CYTH2: variants seen among roughly 807,000 people sequenced by gnomAD.
CYTH2 encodes the protein cytohesin-2.
In CYTH2, 24 loss-of-function variants were observed where a neutral mutation model predicts 55.4. That is an observed-to-expected ratio of 0.43 (90% CI 0.31 to 0.61). The LOEUF (loss-of-function observed/expected upper bound fraction) is 0.61. CYTH2 is among the 20% of genes least tolerant of loss of function. The pLI is 0.08. For missense variants in CYTH2, 378 were observed against 533.5 expected, an observed-to-expected ratio of 0.71 and a Z score of 2.87; for synonymous variants, 221 against 209.6, an observed-to-expected ratio of 1.05 and a Z score of -0.47.
intron 8 of CYTH2, chr19:48,475,527 T>C (rs1289954849): frequency 6.4e-6 from 1 of 156,328 alleles, no homozygotes; most frequent in African/African-American, 2.4e-5. Context: ...CTGGTGCAGA[T>C]GAGTCGGGAA....
chr19:48,472,903 C>T (rs760814538), intron 4 of CYTH2: 10 of 303,524 alleles, frequency 3.3e-5, no homozygotes, highest in East Asian at 8.4e-5. Context: ...CATCTGTGGA[C>T]GTCTGGGAAT....
At position 48,481,072 on chromosome 19, in the gene CYTH2, T is replaced by G. The variant is rs1972037208; in HGVS notation, c.*1862T>G. 6.5e-6 allele frequency: 1 copy of G among 152,758 alleles called. No homozygotes were observed. The highest frequency in any genetic ancestry group is 6.5e-5 in the Admixed American group (1 of 15,278). The allele number at this position is 152,758 out of a possible 1,614,324, so 9.5% of individuals were successfully genotyped here. ...AGGCAGGGGCCTGACGTGTTTGGAT[T>G]GAGGTTGCAGGAGGGGCCCCTGGCT... On this transcript the variant is annotated 3_prime_UTR_variant, in exon 12 of 12. Transcript: ENST00000452733.
At chr19:48,478,748 C>T (rs1407087286) in intron 11 of CYTH2, among the ~76,000 whole-genome samples, 156 bp downstream of exon 11, 2 of 135,748 alleles carry the variant, frequency 1.5e-5, no homozygotes, top group Admixed American at 1.4e-4. Context: ...GGGGCCTGGA[C>T]TCCTGGGTCT....
intron 8 of CYTH2, 129 bp downstream of exon 8, chr19:48,475,078 T>G (rs1294260582): frequency 3.8e-6 from 3 of 781,904 alleles, no homozygotes; most frequent in Non-Finnish European, 4.1e-6. Context: ...TGAACCTCAG[T>G]TTTCCACACC....
In CYTH2 at chr19:48,470,196, C is replaced by T. The variant is rs112325690; in HGVS notation, c.20-157C>T. Among the ~76,000 whole-genome samples, 49 of 152,122 alleles carry T rather than the reference C, an allele frequency of 3.2e-4. 3 individuals carry two copies. The highest frequency in any genetic ancestry group is 7.7e-4 in the African/African-American group (32 of 41,486). On this transcript the variant is annotated intron_variant, in intron 1 of 11. Transcript: ENST00000452733. ...AGAGTTTAGAGCCCCAGCTCTTTCT[C>T]CTCTGCAGGGAGGAATCCAGGCCCC...
rs201069694 is a variant in CYTH2 at position 48,473,278 on chromosome 19, T to G, written c.354-20T>G. Reference sequence around the variant, plus strand: ...CCCCATCCTTTCCAAACTGTATGTGTCTTTGTCCCATCCTTCCAGGGAAGA... The same window carrying G: ...CCCCATCCTTTCCAAACTGTATGTGGCTTTGTCCCATCCTTCCAGGGAAGA... On this transcript the variant is annotated intron_variant, in intron 4 of 11. Coordinates refer to ENST00000452733, the MANE Select transcript of CYTH2 (RefSeq NM_004228.7). 2.2e-5 allele frequency: 35 copies of G among 1,613,724 alleles called. No homozygotes were observed. In the East Asian group the frequency reaches 6.9e-4, roughly 32 times the overall value.
Position 48,470,686 on chromosome 19 carries a change from G to T in CYTH2, c.234+17G>T. The T allele has an allele frequency of 6.2e-7, 1 of 1,614,168 alleles. No individual in the cohort carries two copies. The highest frequency in any genetic ancestry group is 1.7e-5 in the Admixed American group (1 of 60,028). Reference sequence around the variant, plus strand: ...CCCAAGAAGGTGCTTGGGGCCACAGGACTGGGATCAGCTGGGCAAACATCC... The same window carrying T: ...CCCAAGAAGGTGCTTGGGGCCACAGTACTGGGATCAGCTGGGCAAACATCC... On this transcript the variant is annotated intron_variant, in intron 3 of 11. Transcript: ENST00000452733.
intron 3 of CYTH2, among the ~76,000 whole-genome samples, chr19:48,471,183 A>T (rs1341258636): frequency 1.6e-5 from 2 of 125,784 alleles, no homozygotes; most frequent in Non-Finnish European, 3.0e-5. Context: ...TGTGTGTGAG[A>T]CAGAGTCTTG....
Position 48,474,765 on chromosome 19 carries a change from G to A in CYTH2, c.697-73G>A, listed in dbSNP as rs958636548. 29 of 1,335,656 alleles carry A rather than the reference G, an allele frequency of 2.2e-5. 1 individual carries two copies. The highest frequency in any genetic ancestry group is 8.3e-5 in the South Asian group (7 of 84,566). The allele number at this position is 1,335,656 out of a possible 1,614,324, so 82.7% of individuals were successfully genotyped here. On this transcript the variant is annotated intron_variant, in intron 7 of 11. Coordinates refer to ENST00000452733, the MANE Select transcript of CYTH2 (RefSeq NM_004228.7). This position sits in a 1 kb window ranked among gnomAD's most constrained non-coding sequence, Gnocchi z 4.9. ...TATGAGTCATCCCATCCCTGGTCTCGCTGCCCCCCACCCTGAGTAACCCTG... is the reference window on the plus strand; with the variant it reads ...TATGAGTCATCCCATCCCTGGTCTCACTGCCCCCCACCCTGAGTAACCCTG...
chr19:48,470,524 AG>A, intron 2 of CYTH2, 24 bp downstream of exon 2: 1 of 1,613,724 alleles, frequency 6.2e-7, no homozygotes, highest in Non-Finnish European at 8.5e-7. Context: ...CGGATGACCT[AG>A]GGGGCGTGGG....
chr19:48,473,392 AG>A lies in CYTH2; in HGVS notation c.434+18del. The A allele has an allele frequency of 6.2e-7, 1 of 1,612,498 alleles. No homozygotes were observed. The highest frequency in any genetic ancestry group is 8.5e-7 in the Non-Finnish European group (1 of 1,178,680). ...GCAGGCCCTCAGGTGAGTGAGGGGG[AG>A]GGGTTTGGAACGCCAGGAATGTACC... On this transcript the variant is annotated intron_variant, in intron 5 of 11. Coordinates refer to ENST00000452733, the MANE Select transcript of CYTH2 (RefSeq NM_004228.7).
chr19:48,475,154 C>T, intron 8 of CYTH2: 1 of 553,380 alleles, frequency 1.8e-6, no homozygotes, highest in Non-Finnish European at 3.2e-6. Flanking sequence ...AAGTACTTCC[C>T]AACCCCTTCT....
chr19:48,475,165 C>T, intron 8 of CYTH2: 1 of 536,328 alleles, frequency 1.9e-6, no homozygotes, highest in Non-Finnish European at 3.3e-6. Flanking sequence ...AACCCCTTCT[C>T]TTGACCCACA....
In CYTH2 at chr19:48,478,265, G is replaced by A; in HGVS notation, c.886-10G>A. 1 of 1,613,784 alleles carries A rather than the reference G, an allele frequency of 6.2e-7. No individual in the cohort carries two copies. Among genetic ancestry groups the A allele is most frequent in the Non-Finnish European group, 8.5e-7 (1 of 1,179,926 alleles). ...TGGAAGTCTGAGTTCTGTCCACCTT[G>A]CTTCTTCAGGACAAGGAGCCCCGAG... On this transcript the variant is annotated splice_polypyrimidine_tract_variant and intron_variant, in intron 9 of 11. Transcript: ENST00000452733.
At chr19:48,479,051 T>C in intron 11 of CYTH2, 72 bp from the exon 12 acceptor site, 1 of 1,495,534 alleles carries the variant, frequency 6.7e-7, no homozygotes, top group Non-Finnish European at 9.3e-7. Context: ...AGACTCCTCC[T>C]GGGTATGAGG....
In CYTH2 at chr19:48,479,130, G is replaced by A. The variant is rs145091024; in HGVS notation, c.1120G>A (p.Val374Met). The part of the protein sequence containing the change: ...DEWIKSIQAA[V>M]SVDPFYEMLA... ...ACCCCTCCCCTTCTGCAGGGCGGCTGTGAGTGTGGACCCCTTCTATGAGAT... is the reference window on the plus strand; with the variant it reads ...ACCCCTCCCCTTCTGCAGGGCGGCTATGAGTGTGGACCCCTTCTATGAGAT... The change falls in exon 12 of 12, where the codon GTG becomes ATG. Residue 374 changes from valine (V) to methionine (M), a missense_variant. Physicochemically the swap from Val to Met is conservative, Grantham distance 21. Coordinates refer to ENST00000452733, the MANE Select transcript of CYTH2 (RefSeq NM_004228.7). The A allele has an allele frequency of 4.0e-5, 64 of 1,613,956 alleles. No individual in the cohort carries two copies. Among genetic ancestry groups the A allele is most frequent in the Non-Finnish European group, 5.4e-5 (64 of 1,179,968 alleles).
intron 1 of CYTH2, 54 bp from the exon 2 acceptor site, chr19:48,470,299 A>G (rs1971764308): frequency 1.3e-6 from 2 of 1,547,472 alleles, no homozygotes; most frequent in East Asian, 4.5e-5. Flanking sequence ...GATTGCAGGA[A>G]TTCAGGCTCA....
At chr19:48,478,962 G>T (rs1384631527) in intron 11 of CYTH2, among the ~76,000 whole-genome samples, 161 bp from the exon 12 acceptor site, 2 of 149,284 alleles carry the variant, frequency 1.3e-5, no homozygotes, top group Non-Finnish European at 3.0e-5. Flanking sequence ...GGGGCCGGGG[G>T]CCTGGACTGC....
Position 48,474,468 on chromosome 19 carries a change from C to A in CYTH2, c.696+138C>A. 1 of 953,592 alleles carries A rather than the reference C, an allele frequency of 1.0e-6. No homozygotes were observed. Among genetic ancestry groups the A allele is most frequent in the Non-Finnish European group, 1.5e-6 (1 of 662,984 alleles). 59.1% of individuals were successfully genotyped at this position (953,592 alleles called of 1,614,324 possible). A position where few individuals can be genotyped will look rare whatever the true frequency, so the allele number is the denominator to read the frequency against. ...GCGATCATGCCAACTCGTGTGTGAT[C>A]TTTTTCTCTCTCTCTGGGTGCTTCT... is the stretch of plus-strand genomic sequence containing the variant. On this transcript the variant is annotated intron_variant, in intron 7 of 11. Transcript: ENST00000452733. This position sits in a 1 kb window ranked among gnomAD's most constrained non-coding sequence, Gnocchi z 4.9.
Sources: allele counts gnomAD v4.1 joint callset (sites outside exome capture counted in the v4.1 genomes callset), GRCh38; gene constraint gnomAD v4.1.1; non-coding constraint Gnocchi (gnomAD v3.1); transcripts MANE v1.5; gene names NCBI Gene and HGNC (gene_info 2026-07-23, HGNC 2026-07-21).